Variants in MYO10 observed in about 807,000 individuals in gnomAD.
MYO10 encodes unconventional myosin-X.
In MYO10, 133 loss-of-function variants were observed where a neutral mutation model predicts 257.3. That is an observed-to-expected ratio of 0.52 (90% CI 0.45 to 0.60). The LOEUF (loss-of-function observed/expected upper bound fraction) is 0.60, where lower values mean the gene tolerates loss of function less well. Among genes scored for constraint, MYO10 ranks in the 20% least tolerant of loss-of-function variants. The pLI, the probability that MYO10 is intolerant of heterozygous loss-of-function variation, is 0.00. For missense variants in MYO10, 2,399 were observed against 2,635.7 expected, an observed-to-expected ratio of 0.91 and a Z score of 1.97; for synonymous variants, 1,104 against 1,028.6, an observed-to-expected ratio of 1.07 and a Z score of -1.40.
intron 1 of MYO10, among the ~76,000 whole-genome samples, chr5:16,889,205 AAAT>A (rs1744975362): frequency 1.4e-5 from 2 of 140,396 alleles, no homozygotes; most frequent in South Asian, 2.2e-4. Flanking sequence ...AAAAAAAAAA[AAAT>A]CAGCCTGGCC....
chr5:16,792,980 C>T (rs250356), intron 4 of MYO10, among the ~76,000 whole-genome samples: 6 of 151,908 alleles, frequency 3.9e-5, no homozygotes, highest in South Asian at 2.1e-4. Context: ...ATTCTGAGGA[C>T]GAGAGCCAAG....
chr5:16,863,305 C>T (rs1412915202), intron 2 of MYO10, among the ~76,000 whole-genome samples: 1 of 152,210 alleles, frequency 6.6e-6, no homozygotes, highest in Non-Finnish European at 1.5e-5. Context: ...TGGGGAGAAG[C>T]CCAGCTGTTC....
intron 1 of MYO10, among the ~76,000 whole-genome samples, chr5:16,925,442 C>G (rs181777369): frequency 3.5e-4 from 53 of 152,244 alleles, no homozygotes; most frequent in South Asian, 2.3e-3. Flanking sequence ...CTGGGTTGCC[C>G]AGGCAACAGA....
intron 1 of MYO10, among the ~76,000 whole-genome samples, chr5:16,898,692 A>C (rs1301893520): frequency 6.6e-6 from 1 of 151,330 alleles, no homozygotes; most frequent in Non-Finnish European, 1.5e-5. Flanking sequence ...TACAGGTGTG[A>C]GCCACCATGC....
intron 3 of MYO10, among the ~76,000 whole-genome samples, chr5:16,804,137 A>G (rs537389721): frequency 6.6e-6 from 1 of 152,292 alleles, no homozygotes; most frequent in African/African-American, 2.4e-5. Flanking sequence ...ATCCACCCAC[A>G]GGGCTCTGTC....
At chr5:16,889,201 A>AC (rs1440989861) in intron 1 of MYO10, among the ~76,000 whole-genome samples, 5 of 151,100 alleles carry the variant, frequency 3.3e-5, no homozygotes, top group African/African-American at 9.7e-5. Context: ...AAAAAAAAAA[A>AC]AAAAAATCAG....
intron 2 of MYO10, among the ~76,000 whole-genome samples, chr5:16,868,916 G>A (rs1342063645): frequency 1.3e-5 from 2 of 152,066 alleles, no homozygotes; most frequent in Non-Finnish European, 2.9e-5. Flanking sequence ...ACATTAGAAC[G>A]ATCTCCTTGG....
chr5:16,858,198 A>G (rs1321713445), intron 2 of MYO10, among the ~76,000 whole-genome samples: 1 of 152,204 alleles, frequency 6.6e-6, no homozygotes, highest in Non-Finnish European at 1.5e-5. Context: ...TGAATTTCAC[A>G]TGATTTTCAC....
intron 19 of MYO10, among the ~76,000 whole-genome samples, chr5:16,744,864 G>C (rs757709491): frequency 6.6e-6 from 1 of 151,914 alleles, no homozygotes; most frequent in Non-Finnish European, 1.5e-5. Context: ...CAAAAATTCC[G>C]AGATAAAATT....
At chr5:16,921,955 C>T (rs528373329) in intron 1 of MYO10, among the ~76,000 whole-genome samples, 1 of 152,262 alleles carries the variant, frequency 6.6e-6, no homozygotes, top group African/African-American at 2.4e-5. Flanking sequence ...CAGCTCCCAC[C>T]TGTAATCCTA....
chr5:16,820,082 C>A (rs1268853770), intron 2 of MYO10, among the ~76,000 whole-genome samples: 1 of 152,240 alleles, frequency 6.6e-6, no homozygotes, highest in Non-Finnish European at 1.5e-5. Flanking sequence ...AGGCCTGGGG[C>A]CACCTAGGGA....
At chr5:16,674,239 G>A (rs943712852) in intron 35 of MYO10, among the ~76,000 whole-genome samples, 3 of 152,102 alleles carry the variant, frequency 2.0e-5, no homozygotes, top group African/African-American at 2.4e-5. Flanking sequence ...AGGCCGAGGC[G>A]GGTGGATCAC....
intron 9 of MYO10, among the ~76,000 whole-genome samples, chr5:16,769,937 G>A (rs1740995199): frequency 6.6e-6 from 1 of 151,316 alleles, no homozygotes; most frequent in South Asian, 2.1e-4. Flanking sequence ...GTTTTGTTTT[G>A]TTTTGTTTTG....
intron 21 of MYO10, among the ~76,000 whole-genome samples, chr5:16,707,191 C>T (rs1738384373): frequency 6.6e-6 from 1 of 152,172 alleles, no homozygotes; most frequent in African/African-American, 2.4e-5. Flanking sequence ...GCCTCCCCAG[C>T]CATGTGGAAC....
chr5:16,859,029 G>A (rs1744040118), intron 2 of MYO10, among the ~76,000 whole-genome samples: 2 of 152,128 alleles, frequency 1.3e-5, no homozygotes, highest in Admixed American at 1.3e-4. Context: ...TGGGGCTCCT[G>A]TTTGGGATTT....
intron 1 of MYO10, among the ~76,000 whole-genome samples, chr5:16,895,931 G>A (rs1745206039): frequency 6.6e-6 from 1 of 152,174 alleles, no homozygotes; most frequent in African/African-American, 2.4e-5. Context: ...GCGGGGGCAG[G>A]GAGGAGCAGG....
In MYO10 at chr5:16,673,908, C is replaced by G; in HGVS notation, c.4965-19G>C. On this transcript the variant is annotated intron_variant, in intron 35 of 40. Transcript: ENST00000513610. Reference sequence around the variant, plus strand: ...CCGTATCCTAGGAGGCAAACACTAACTGTTAATTTTTAGACTGATGGGGGC... The same window carrying G: ...CCGTATCCTAGGAGGCAAACACTAAGTGTTAATTTTTAGACTGATGGGGGC... 1 of 1,611,202 alleles carries G rather than the reference C, an allele frequency of 6.2e-7. No homozygotes were observed.
chr5:16,718,390 C>T (rs950335068), intron 19 of MYO10, among the ~76,000 whole-genome samples: 1 of 152,254 alleles, frequency 6.6e-6, no homozygotes, highest in African/African-American at 2.4e-5. Context: ...GGTGCGGGAT[C>T]CACTAGGTGA....
Position 16,722,930 on chromosome 5 carries a change from G to C in MYO10, c.1930-11685C>G, listed in dbSNP as rs547367568. 2.0e-5 allele frequency among the ~76,000 whole-genome samples: 3 copies of C among 152,172 alleles called. No homozygotes were observed. The South Asian group carries it at 6.2e-4, about 32-fold the overall frequency. On this transcript the variant is annotated intron_variant, in intron 19 of 40. Coordinates refer to ENST00000513610, the MANE Select transcript of MYO10 (RefSeq NM_012334.3). ...AAAATATTTGGAAAATACACACTAA[G>C]AAAGACTGTATCAAAAATTTACAAA...
Sources: allele counts gnomAD v4.1 joint callset (sites outside exome capture counted in the v4.1 genomes callset), GRCh38; gene constraint gnomAD v4.1.1; transcripts MANE v1.5; gene names NCBI Gene and HGNC (gene_info 2026-07-23, HGNC 2026-07-21).